Variants in DCLK1 observed in about 807,000 individuals in gnomAD.
DCLK1 encodes serine/threonine-protein kinase DCLK1.
In DCLK1, 16 loss-of-function variants were observed where a neutral mutation model predicts 86.2. The ratio of observed to expected loss-of-function variants is 0.19; its 90% CI spans 0.13 to 0.28. The LOEUF is 0.28. Ranked by LOEUF, DCLK1 falls within the 10% of genes least tolerant of loss-of-function variation. The probability of loss-of-function intolerance (pLI) is 1.00; values close to 1 mark genes in which losing one functional copy is unlikely to be tolerated. For missense variants in DCLK1, 590 were observed against 940.2 expected (o/e 0.63, Z 4.87); for synonymous variants, 369 against 370.5 (o/e 1.00, Z 0.05).
At chr13:35,859,536 G>A (rs1185736969) in intron 5 of DCLK1, among the ~76,000 whole-genome samples, 1 of 151,986 alleles carries the variant, frequency 6.6e-6, no homozygotes, top group Non-Finnish European at 1.5e-5. Context: ...CCTTTATTTC[G>A]ACTCAGCTGT....
chr13:36,006,759 G>A (rs1880982450), intron 3 of DCLK1, among the ~76,000 whole-genome samples: 1 of 152,210 alleles, frequency 6.6e-6, no homozygotes, highest in African/African-American at 2.4e-5. Context: ...ATGAAGTTTG[G>A]ATCTAGAGGA....
chr13:35,958,213 T>TCACCACCATCACTGCTATAACCAC (rs1878213333), intron 3 of DCLK1, among the ~76,000 whole-genome samples: 1 of 19,428 alleles, frequency 5.1e-5, no homozygotes, highest in Non-Finnish European at 1.7e-4. Context: ...ATTATAACCA[T>TCACCACCATCACTGCTATAACCAC]CACCACCACC....
intron 4 of DCLK1, among the ~76,000 whole-genome samples, chr13:35,872,635 G>A (rs1317073087): frequency 2.0e-5 from 3 of 152,078 alleles, no homozygotes; most frequent in East Asian, 3.9e-4. Context: ...GGCACACTGT[G>A]GGTGCTCAAA....
At chr13:36,031,591 G>T (rs1451489938) in intron 3 of DCLK1, among the ~76,000 whole-genome samples, 1 of 152,124 alleles carries the variant, frequency 6.6e-6, no homozygotes, top group African/African-American at 2.4e-5. Flanking sequence ...ATATAAAAAG[G>T]TTCCTTATTC....
At chr13:35,786,878 TTC>T (rs2086632588) in intron 16 of DCLK1, among the ~76,000 whole-genome samples, 3 of 152,184 alleles carry the variant, frequency 2.0e-5, no homozygotes, top group African/African-American at 7.2e-5. Context: ...ACAAATAGCC[TTC>T]TATGTCAAAA....
chr13:35,805,617 A>G, intron 15 of DCLK1, 82 bp downstream of exon 15: 1 of 1,366,254 alleles, frequency 7.3e-7, no homozygotes, highest in South Asian at 1.3e-5. Context: ...TTTCAAAAGG[A>G]GGCAATAACA....
intron 3 of DCLK1, among the ~76,000 whole-genome samples, chr13:36,071,154 C>CAT (rs2153161373): frequency 6.6e-6 from 1 of 152,098 alleles, no homozygotes; most frequent in South Asian, 2.1e-4. Flanking sequence ...ATAATATGAA[C>CAT]ATATCTCGTT....
intron 4 of DCLK1, among the ~76,000 whole-genome samples, chr13:35,944,821 G>GGTGT (rs1000194784): frequency 1.3e-5 from 2 of 151,378 alleles, no homozygotes; most frequent in African/African-American, 4.9e-5. Flanking sequence ...GGTGTCCTGG[G>GGTGT]GTGTGTGTGT....
In DCLK1 at chr13:35,805,871, A is replaced by T. The variant is rs1444325652; in HGVS notation, c.1864-92T>A. ...CAAGAGTTCTCTTTTAGTTTCGAAA[A>T]GCATTTGTAAAAGCTCTAAATCTTA... On this transcript the variant is annotated intron_variant, in intron 14 of 16. Transcript: ENST00000360631. The T allele has an allele frequency of 1.5e-5, 18 of 1,165,090 alleles. No individual in the cohort carries two copies. In the Admixed American group the frequency reaches 3.5e-4, roughly 23 times the overall value. The allele number at this position is 1,165,090 out of a possible 1,614,324, so 72.2% of individuals were successfully genotyped here. A position where few individuals can be genotyped will look rare whatever the true frequency, so the allele number is the denominator to read the frequency against.
chr13:35,842,890 T>C (rs1287801991), intron 6 of DCLK1, among the ~76,000 whole-genome samples: 4 of 152,204 alleles, frequency 2.6e-5, no homozygotes, highest in Admixed American at 2.6e-4. Context: ...GCTCTTTGGG[T>C]AATCCACCAA....
intron 3 of DCLK1, among the ~76,000 whole-genome samples, chr13:35,986,867 ATG>A (rs1251657182): frequency 6.6e-6 from 1 of 152,138 alleles, no homozygotes; most frequent in African/African-American, 2.4e-5. Context: ...AGCACAGAAC[ATG>A]TGGTCAGGGA....
chr13:36,059,598 G>A (rs1038959304), intron 3 of DCLK1, among the ~76,000 whole-genome samples: 1 of 152,146 alleles, frequency 6.6e-6, no homozygotes, highest in African/African-American at 2.4e-5. Flanking sequence ...ATTTGACTCT[G>A]GACCGTAGAG....
chr13:36,103,154 G>A (rs534400379), intron 3 of DCLK1, among the ~76,000 whole-genome samples: 20 of 151,980 alleles, frequency 1.3e-4, no homozygotes, highest in Non-Finnish European at 2.1e-4. Flanking sequence ...TAATCCCAGC[G>A]CTTTGGGAGG....
chr13:36,088,779 T>C (rs1566676305), intron 3 of DCLK1, among the ~76,000 whole-genome samples: 1 of 152,188 alleles, frequency 6.6e-6, no homozygotes, highest in Non-Finnish European at 1.5e-5. Flanking sequence ...AAATACTTTA[T>C]TCTACTGCAA....
At chr13:35,860,037 C>T (rs1295938279) in intron 5 of DCLK1, among the ~76,000 whole-genome samples, 1 of 152,168 alleles carries the variant, frequency 6.6e-6, no homozygotes, top group African/African-American at 2.4e-5. Context: ...GACGTGAAAT[C>T]CACCTTACTG....
intron 11 of DCLK1, among the ~76,000 whole-genome samples, chr13:35,814,531 C>G (rs1437204834): frequency 6.6e-6 from 1 of 152,126 alleles, no homozygotes; most frequent in Non-Finnish European, 1.5e-5. Context: ...GCTGGTCCAG[C>G]TAGTGGAGCT....
intron 3 of DCLK1, among the ~76,000 whole-genome samples, chr13:36,029,272 A>G (rs1040515521): frequency 6.6e-6 from 1 of 152,074 alleles, no homozygotes; most frequent in African/African-American, 2.4e-5. Context: ...GCACACTCTC[A>G]CGGCACCATA....
intron 3 of DCLK1, among the ~76,000 whole-genome samples, chr13:36,043,353 AT>A (rs1359462007): frequency 1.3e-5 from 2 of 152,010 alleles, no homozygotes; most frequent in African/African-American, 4.8e-5. Context: ...AAAAGGTAAA[AT>A]TAATTTCTCA....
chr13:35,849,146 G>T, intron 6 of DCLK1: 3 of 985,246 alleles, frequency 3.0e-6, no homozygotes, highest in Non-Finnish European at 3.6e-6. Context: ...AGATTGCCTG[G>T]ACGTTTTTTC....
Sources: gnomAD v4.1 joint callset for allele counts (sites outside exome capture counted in the v4.1 genomes callset) on GRCh38, gnomAD v4.1.1 for gene constraint, MANE v1.5 for transcripts, NCBI Gene and HGNC (gene_info 2026-07-23, HGNC 2026-07-21) for gene names.